ATP10A: variants seen among roughly 807,000 people sequenced by gnomAD.
ATP10A encodes ATPase phospholipid transporting 10A (putative), also known as phospholipid-transporting ATPase VA.
A neutral mutation model predicts 147.8 loss-of-function variants in ATP10A; 111 were observed. The ratio of observed to expected loss-of-function variants is 0.75; its 90% CI spans 0.64 to 0.88. The LOEUF (loss-of-function observed/expected upper bound fraction) is 0.88, where lower values mean the gene tolerates loss of function less well. ATP10A is among the 40% of genes least tolerant of loss of function. The pLI is 0.00. For missense variants in ATP10A, 1,927 were observed against 1,959.0 expected, an observed-to-expected ratio of 0.98 and a Z score of 0.31; for synonymous variants, 875 against 841.6, an observed-to-expected ratio of 1.04 and a Z score of -0.69.
chr15:25,845,348 G>A (rs1892973988), intron 1 of ATP10A, among the ~76,000 whole-genome samples: 1 of 151,872 alleles, frequency 6.6e-6, no homozygotes. Context: ...GTGTGTGTGT[G>A]TGTGTGTCAG....
Position 25,679,791 on chromosome 15 carries a change from C to CAGGG in ATP10A, c.4046_4049dup (p.Ser1351ProfsTer62), listed in dbSNP as rs1567293722. ...GCTGTGTGTGCCAAGAAGGCTGGGA[C>CAGGG]AGGGGCACAGAGGTCTTGACTGTCC... On this transcript the variant is annotated frameshift_variant, in exon 21 of 21. Transcript: ENST00000555815. LOFTEE classifies it high-confidence loss of function. The CAGGG allele has an allele frequency of 6.2e-7, 1 of 1,612,784 alleles. No individual in the cohort carries two copies.
intron 12 of ATP10A, among the ~76,000 whole-genome samples, chr15:25,705,261 T>C (rs2140355811): frequency 6.6e-6 from 1 of 151,818 alleles, no homozygotes; most frequent in Middle Eastern, 3.4e-3. Flanking sequence ...AGTGAGACCC[T>C]GTCTCTACCA....
intron 13 of ATP10A, among the ~76,000 whole-genome samples, chr15:25,700,801 G>C (rs1340956830): frequency 6.6e-6 from 1 of 152,020 alleles, no homozygotes; most frequent in Non-Finnish European, 1.5e-5. Flanking sequence ...ATTCATGTAA[G>C]TGTATAACCA....
intron 1 of ATP10A, among the ~76,000 whole-genome samples, chr15:25,784,135 G>A (rs893844565): frequency 6.6e-6 from 1 of 152,162 alleles, no homozygotes; most frequent in Non-Finnish European, 1.5e-5. Flanking sequence ...GCGTCTGCTG[G>A]GCTCCTGCAG....
At chr15:25,762,030 G>A (rs566340984) in intron 2 of ATP10A, among the ~76,000 whole-genome samples, 4 of 152,250 alleles carry the variant, frequency 2.6e-5, no homozygotes, top group South Asian at 2.1e-4. Flanking sequence ...TTGTGGGAGG[G>A]ATCCGGTGGG....
intron 2 of ATP10A, among the ~76,000 whole-genome samples, chr15:25,762,371 G>A (rs1039473460): frequency 2.6e-5 from 4 of 152,088 alleles, no homozygotes; most frequent in Admixed American, 1.3e-4. Flanking sequence ...TGATCTTCTG[G>A]CCTCAAGAAA....
intron 1 of ATP10A, among the ~76,000 whole-genome samples, chr15:25,848,127 G>GTT (rs66727128): frequency 8.9e-4 from 133 of 148,624 alleles, no homozygotes; most frequent in African/African-American, 3.1e-3. Context: ...TCTAAAAAGT[G>GTT]TTTTTTTTTT....
At chr15:25,740,303 T>C (rs912489358) in intron 2 of ATP10A, among the ~76,000 whole-genome samples, 1 of 152,226 alleles carries the variant, frequency 6.6e-6, no homozygotes, top group African/African-American at 2.4e-5. Context: ...GCTTCAGCCA[T>C]TGGGTGAGCA....
At chr15:25,850,159 G>A (rs191804256) in intron 1 of ATP10A, among the ~76,000 whole-genome samples, 3 of 152,308 alleles carry the variant, frequency 2.0e-5, no homozygotes, top group Admixed American at 2.0e-4. Context: ...AGCCCATTAT[G>A]TGTATGAGAC....
chr15:25,822,043 A>G (rs1891913887), intron 1 of ATP10A, among the ~76,000 whole-genome samples: 1 of 152,228 alleles, frequency 6.6e-6, no homozygotes, highest in South Asian at 2.1e-4. Context: ...TTTGCATATA[A>G]TCTATACACA....
chr15:25,688,031 G>A lies in ATP10A; in HGVS notation c.3166-203C>T, dbSNP rs566632993. ...CAAAAGAGGCAATCTCACCCAACAC[G>A]CTAGTTCAGGGATGTCACCTTATAA... On this transcript the variant is annotated intron_variant, in intron 15 of 20. Coordinates refer to ENST00000555815, the MANE Select transcript of ATP10A (RefSeq NM_024490.4). 1.6e-4 allele frequency: 102 copies of A among 641,126 alleles called. No individual in the cohort carries two copies. In the African/African-American group the frequency reaches 1.7e-3, roughly 10 times the overall value. The allele number at this position is 641,126 out of a possible 1,614,324, so 39.7% of individuals were successfully genotyped here.
At chr15:25,730,996 G>T (rs1365158000) in intron 3 of ATP10A, among the ~76,000 whole-genome samples, 13 of 152,160 alleles carry the variant, frequency 8.5e-5, no homozygotes. Context: ...AGACATTTTG[G>T]ATACAGCCCA....
intron 1 of ATP10A, among the ~76,000 whole-genome samples, chr15:25,843,996 G>A (rs1017243584): frequency 6.6e-6 from 1 of 152,042 alleles, no homozygotes; most frequent in Non-Finnish European, 1.5e-5. Flanking sequence ...CTGAGACAGC[G>A]CCCACCACAG....
chr15:25,774,084 C>T (rs1889483265), intron 2 of ATP10A, among the ~76,000 whole-genome samples: 2 of 151,828 alleles, frequency 1.3e-5, no homozygotes, highest in Admixed American at 1.3e-4. Flanking sequence ...AGAAAAAAAG[C>T]ATTTCACATT....
intron 2 of ATP10A, among the ~76,000 whole-genome samples, chr15:25,741,286 C>T (rs1567348247): frequency 6.6e-6 from 1 of 152,178 alleles, no homozygotes; most frequent in Non-Finnish European, 1.5e-5. Context: ...GTGCCACAAG[C>T]TTCTGGATCA....
chr15:25,701,141 CTACGCT>C (rs1261283452), intron 13 of ATP10A, among the ~76,000 whole-genome samples: 4 of 152,146 alleles, frequency 2.6e-5, no homozygotes, highest in Admixed American at 1.3e-4. Flanking sequence ...GCAGCCTTTC[CTACGCT>C]TACAGATGGA....
At chr15:25,675,233 C>G (rs1438012650), downstream of ATP10A, among the ~76,000 whole-genome samples, 1 of 152,158 alleles carries the variant, frequency 6.6e-6, no homozygotes, top group Non-Finnish European at 1.5e-5. Flanking sequence ...GCGAAGGCCT[C>G]CAGCTGTGGT....
At chr15:25,733,464 C>T (rs1887074569) in intron 3 of ATP10A, among the ~76,000 whole-genome samples, 1 of 152,174 alleles carries the variant, frequency 6.6e-6, no homozygotes. Flanking sequence ...GAGGCTGCCC[C>T]AGTCCCCTTC....
rs756107036 is a variant in ATP10A at position 25,708,006 on chromosome 15, T to G, written c.2545A>C (p.Ile849Leu). 4 of 1,614,156 alleles carry G rather than the reference T, an allele frequency of 2.5e-6. No homozygotes were observed. Among genetic ancestry groups the G allele is most frequent in the Non-Finnish European group, 3.4e-6 (4 of 1,180,018 alleles). Residue 849 changes from isoleucine to leucine, a missense_variant, in exon 12 of 21, where the codon ATT (isoleucine) becomes CTT (leucine). Ile to Leu is a conservative substitution (Grantham distance 5). Transcript: ENST00000555815. ...AAGTGCAGGTTGGTCTCCAGGCGAA[T>G]GGCAGACTGGAAGAGGAGCTCCTCG... ...NSEELLFQSA[I>L]RLETNLHLLG...
Sources: allele counts gnomAD v4.1 joint callset (sites outside exome capture counted in the v4.1 genomes callset), GRCh38; gene constraint gnomAD v4.1.1; transcripts MANE v1.5; gene names NCBI Gene and HGNC (gene_info 2026-07-23, HGNC 2026-07-21).